Variants in MRPL42 observed in about 807,000 individuals in gnomAD.
MRPL42 encodes mitochondrial ribosomal protein L42.
In MRPL42, 17 loss-of-function variants were observed where a neutral mutation model predicts 17.9. That is an observed-to-expected ratio of 0.95 (90% confidence interval 0.65 to 1.42). MRPL42 has a LOEUF of 1.42. MRPL42 is among the 40% of genes most tolerant of loss of function. MRPL42 has a pLI of 0.00. For synonymous variants in MRPL42, 59 were observed against 54.4 expected, an observed-to-expected ratio of 1.08 and a Z score of -0.37; for missense variants, 177 against 175.2, an observed-to-expected ratio of 1.01 and a Z score of -0.06.
chr12:93,476,435 T>C lies in MRPL42; in HGVS notation c.71-519T>C, dbSNP rs182073922. Among the ~76,000 whole-genome samples the C allele has an allele frequency of 6.0e-3, 910 of 152,266 alleles. 2 individuals carry two copies. Among genetic ancestry groups the C allele is most frequent in the Non-Finnish European group, 9.0e-3 (615 of 68,014 alleles). On this transcript the variant is annotated intron_variant, in intron 2 of 5. Transcript: ENST00000549982. ...CTGCCCACCTTGGCCTCCCAAAGTG[T>C]TGGGATTACAGGCGTGAGCCACTGT...
At position 93,480,148 on chromosome 12, in the gene MRPL42, G is replaced by T. The variant is rs1880387727; in HGVS notation, c.219+676G>T. 1.3e-5 allele frequency among the ~76,000 whole-genome samples: 2 copies of T among 151,764 alleles called. 1 individual carries two copies. The highest frequency in any genetic ancestry group is 2.9e-5 in the Non-Finnish European group (2 of 67,960). Reference sequence around the variant, plus strand: ...TGATTTGCTTTTTTTTTGAGACAGGGTCTCACTCTGTCACCCAGGCAGGAG... The same window carrying T: ...TGATTTGCTTTTTTTTTGAGACAGGTTCTCACTCTGTCACCCAGGCAGGAG... On this transcript the variant is annotated intron_variant, in intron 4 of 5. Transcript: ENST00000549982.
At chr12:93,478,432 G>A (rs1046317558) in intron 3 of MRPL42, among the ~76,000 whole-genome samples, 2 of 151,186 alleles carry the variant, frequency 1.3e-5, no homozygotes, top group Non-Finnish European at 1.5e-5. Flanking sequence ...TTTATTTTTT[G>A]TAGAGACAGG....
intron 2 of MRPL42, among the ~76,000 whole-genome samples, chr12:93,475,460 C>T (rs1039664242): frequency 1.3e-5 from 2 of 151,880 alleles, no homozygotes; most frequent in African/African-American, 4.8e-5. Context: ...CAAAATGGGG[C>T]TGGAATTCCA....
chr12:93,501,143 T>A (rs778529723), intron 5 of MRPL42, 33 bp from the exon 6 acceptor site: 1 of 1,485,708 alleles, frequency 6.7e-7, no homozygotes, highest in South Asian at 1.3e-5. Flanking sequence ...TTTATTAAAA[T>A]CATCTTATTC....
In MRPL42 at chr12:93,507,483, T is replaced by C. The variant is rs920307190; in HGVS notation, c.*6262T>C. ...GTTTAAAATGACTTAATGGGTTCTA[T>C]CTTTTAAGGGAACTTTGGATGAATC... is the stretch of plus-strand genomic sequence containing the variant. On this transcript the variant is annotated 3_prime_UTR_variant, in exon 6 of 6. Transcript: ENST00000549982. 2 of 152,252 alleles carry C rather than the reference T, an allele frequency of 1.3e-5. No homozygotes were observed. The highest frequency in any genetic ancestry group is 4.8e-5 in the African/African-American group (2 of 41,472). The allele number at this position is 152,252 out of a possible 1,614,324, so 9.4% of individuals were successfully genotyped here.
At chr12:93,483,992 ATCAATATTACT>A (rs1191609875) in intron 4 of MRPL42, among the ~76,000 whole-genome samples, 4 of 152,110 alleles carry the variant, frequency 2.6e-5, no homozygotes, top group Non-Finnish European at 5.9e-5. Flanking sequence ...GGTCAGGATG[ATCAATATTACT>A]GTCTTCTACC....
Position 93,512,674 on chromosome 12 carries a change from A to G in MRPL42, c.*11453A>G, listed in dbSNP as rs1953735581. ...GCTACAGATTGTTATTACATGTTCC[A>G]TAATTTAACAATTGTCATTGAAGTT... On this transcript the variant is annotated 3_prime_UTR_variant, in exon 6 of 6. Transcript: ENST00000549982. The G allele has an allele frequency of 6.6e-6, 1 of 152,318 alleles. No homozygotes were observed. Among genetic ancestry groups the G allele is most frequent in the Non-Finnish European group, 1.5e-5 (1 of 68,042 alleles). 9.4% of individuals were successfully genotyped at this position (152,318 alleles called of 1,614,324 possible).
Position 93,511,895 on chromosome 12 carries a change from A to G in MRPL42, c.*10674A>G, listed in dbSNP as rs1953729085. 1 of 152,234 alleles carries G rather than the reference A, an allele frequency of 6.6e-6. No homozygotes were observed. The highest frequency in any genetic ancestry group is 2.4e-5 in the African/African-American group (1 of 41,460). The allele number at this position is 152,234 out of a possible 1,614,324, so 9.4% of individuals were successfully genotyped here. The stretch of plus-strand genomic sequence containing the variant: ...GCCCTAGAATGTAAATCAACCTACT[A>G]TATCTTTTTATTTGAAAAAGTCTTG... On this transcript the variant is annotated 3_prime_UTR_variant, in exon 6 of 6. Coordinates refer to ENST00000549982, the MANE Select transcript of MRPL42 (RefSeq NM_014050.4).
At chr12:93,468,346 A>G (rs1879742446) in intron 1 of MRPL42, among the ~76,000 whole-genome samples, 2 of 152,210 alleles carry the variant, frequency 1.3e-5, no homozygotes, top group South Asian at 2.1e-4. Context: ...GACTATTAAA[A>G]ACAAGATTTA....
Position 93,487,500 on chromosome 12 carries a change from A to C in MRPL42, c.223A>C (p.Ile75Leu). Reference protein sequence around the residue: ...VDIPYEHTKPIPRPDPVHNNE... With the variant: ...VDIPYEHTKPLPRPDPVHNNE... ...TTTGTTACTGATTATTTTGTAGCCT[A>C]TCCCTCGGCCAGATCCTGTGCATAA... The change falls in exon 5 of 6, where the codon ATC (isoleucine) becomes CTC (leucine). Residue 75 changes from isoleucine to leucine, a missense_variant. Physicochemically the swap from Ile to Leu is conservative, Grantham distance 5. Coordinates refer to ENST00000549982, the MANE Select transcript of MRPL42 (RefSeq NM_014050.4). 2 of 1,608,536 alleles carry C rather than the reference A, an allele frequency of 1.2e-6. No homozygotes were observed. The highest frequency in any genetic ancestry group is 1.7e-4 in the Middle Eastern group (1 of 5,958).
chr12:93,472,561 G>C (rs1009950005), intron 2 of MRPL42, among the ~76,000 whole-genome samples: 4 of 152,160 alleles, frequency 2.6e-5, no homozygotes, highest in African/African-American at 9.7e-5. Flanking sequence ...CTGGGAGACA[G>C]AGTGAGACCC....
intron 3 of MRPL42, among the ~76,000 whole-genome samples, chr12:93,478,186 G>A (rs775920634): frequency 6.6e-5 from 10 of 151,970 alleles, no homozygotes; most frequent in Non-Finnish European, 1.2e-4. Context: ...AAACTCCTGA[G>A]CTCAAGCAAT....
chr12:93,471,409 C>T lies in MRPL42; in HGVS notation c.70+2054C>T, dbSNP rs569733417. Among the ~76,000 whole-genome samples the T allele has an allele frequency of 1.8e-4, 27 of 152,280 alleles. No homozygotes were observed. In the South Asian group the frequency reaches 2.7e-3, roughly 15 times the overall value. ...GAACTCCCAACCTTAAATGATCCTC[C>T]TGCCTTGGCCTCCCGAAGTGCTGAG... On this transcript the variant is annotated intron_variant, in intron 2 of 5. Coordinates refer to ENST00000549982, the MANE Select transcript of MRPL42 (RefSeq NM_014050.4).
chr12:93,499,869 A>G (rs1953558932), intron 5 of MRPL42, among the ~76,000 whole-genome samples: 1 of 152,348 alleles, frequency 6.6e-6, no homozygotes, highest in South Asian at 2.1e-4. Flanking sequence ...ATCACAGGGT[A>G]CATGTCTTAC....
In MRPL42 at chr12:93,509,060, C is replaced by T. The variant is rs947973193; in HGVS notation, c.*7839C>T. 10 of 151,888 alleles carry T rather than the reference C, an allele frequency of 6.6e-5. No individual in the cohort carries two copies. The highest frequency in any genetic ancestry group is 7.3e-5 in the African/African-American group (3 of 41,310). 9.4% of individuals were successfully genotyped at this position (151,888 alleles called of 1,614,324 possible). On this transcript the variant is annotated 3_prime_UTR_variant, in exon 6 of 6. Transcript: ENST00000549982. ...AAAATTAGCTGGGTGTGGTGGCAGG[C>T]ATCTGTAATCCTAGCTACTCAGGAG...
In MRPL42 at chr12:93,501,496, GA is replaced by G. The variant is rs1246804496; in HGVS notation, c.*277del. The G allele has an allele frequency of 4.2e-6, 1 of 235,300 alleles. No individual in the cohort carries two copies. Among genetic ancestry groups the G allele is most frequent in the East Asian group, 7.8e-5 (1 of 12,774 alleles). The allele number at this position is 235,300 out of a possible 1,614,324, so 14.6% of individuals were successfully genotyped here. ...GTGCCAAAGCCATACATATTCAGTA[GA>G]ACATCAATAAATTACATCAGAAATT... On this transcript the variant is annotated 3_prime_UTR_variant, in exon 6 of 6. Coordinates refer to ENST00000549982, the MANE Select transcript of MRPL42 (RefSeq NM_014050.4).
At chr12:93,497,180 C>A (rs956288465) in intron 5 of MRPL42, among the ~76,000 whole-genome samples, 3 of 152,010 alleles carry the variant, frequency 2.0e-5, no homozygotes, top group African/African-American at 7.2e-5. Context: ...ATTCCCCCAA[C>A]AACAACAACA....
At chr12:93,484,973 CACACACATATATATAT>C (rs1880643477) in intron 4 of MRPL42, among the ~76,000 whole-genome samples, 1 of 23,946 alleles carries the variant, frequency 4.2e-5, no homozygotes, top group South Asian at 1.5e-3. Flanking sequence ...CACACACACA[CACACACATATATATAT>C]ATATATATAT....
At chr12:93,494,918 C>G (rs975601592) in intron 5 of MRPL42, among the ~76,000 whole-genome samples, 1 of 114,280 alleles carries the variant, frequency 8.8e-6, no homozygotes, top group Non-Finnish European at 1.9e-5. Context: ...GTAACAGACA[C>G]ACCATCAGGA....
Sources: allele counts gnomAD v4.1 joint callset (sites outside exome capture counted in the v4.1 genomes callset), GRCh38; gene constraint gnomAD v4.1.1; transcripts MANE v1.5; gene names NCBI Gene and HGNC (gene_info 2026-07-23, HGNC 2026-07-21).